The following CREB1 variants were observed in gnomAD, a reference collection of about 807,000 sequenced individuals.
The protein encoded by CREB1 is cyclic AMP-responsive element-binding protein 1.
A neutral mutation model predicts 42.0 loss-of-function variants in CREB1; 2 were observed. That is an observed-to-expected ratio of 0.05 (90% CI 0.02 to 0.15). CREB1 has a LOEUF of 0.15. CREB1 is among the 10% of genes least tolerant of loss of function. The pLI is 1.00. For synonymous variants in CREB1, 123 were observed against 139.9 expected (o/e 0.88, Z 0.85); for missense variants, 199 against 388.9 (o/e 0.51, Z 4.11).
In CREB1 at chr2:207,600,422, T is replaced by A. The variant is rs910268098; in HGVS notation, c.*3364T>A. On this transcript the variant is annotated 3_prime_UTR_variant, in exon 8 of 8. Transcript: ENST00000353267. ...ATTACTCCAGCACTCATGATTGATT[T>A]TATCTTCTAATTTTCTTCCAAGTAT... 1.0e-5 allele frequency: 2 copies of A among 194,108 alleles called. No homozygotes were observed. The highest frequency in any genetic ancestry group is 4.6e-5 in the African/African-American group (2 of 43,224). The allele number at this position is 194,108 out of a possible 1,614,324, so 12.0% of individuals were successfully genotyped here. A position where few individuals can be genotyped will look rare whatever the true frequency, so the allele number is the denominator to read the frequency against.
At chr2:207,596,021 G>A (rs2086092870) in intron 7 of CREB1, among the ~76,000 whole-genome samples, 1 of 152,168 alleles carries the variant, frequency 6.6e-6, no homozygotes, top group Non-Finnish European at 1.5e-5. Context: ...TGTTACCTCT[G>A]CTTTTGGTGT....
At chr2:207,552,196 G>A (rs974161933) in intron 1 of CREB1, among the ~76,000 whole-genome samples, 3 of 152,116 alleles carry the variant, frequency 2.0e-5, no homozygotes, top group Admixed American at 6.6e-5. Context: ...GAGTTGTGGA[G>A]GGAAGAGGAT....
chr2:207,582,458 T>C (rs537399889), intron 7 of CREB1, among the ~76,000 whole-genome samples: 1 of 152,356 alleles, frequency 6.6e-6, no homozygotes, highest in South Asian at 2.1e-4. Context: ...ACACATACTT[T>C]GGGAGTTATA....
At chr2:207,549,035 G>A (rs189395103) in intron 1 of CREB1, among the ~76,000 whole-genome samples, 1 of 152,276 alleles carries the variant, frequency 6.6e-6, no homozygotes, top group East Asian at 1.9e-4. Flanking sequence ...AAAGACCTTG[G>A]TAGGAGCACA....
intron 1 of CREB1, among the ~76,000 whole-genome samples, chr2:207,531,272 C>G (rs2106317008): frequency 6.6e-6 from 1 of 152,314 alleles, no homozygotes; most frequent in Non-Finnish European, 1.5e-5. Context: ...CTCCGTCCCA[C>G]TCCCCCTACC....
At chr2:207,537,714 A>G (rs956372425) in intron 1 of CREB1, among the ~76,000 whole-genome samples, 2 of 152,218 alleles carry the variant, frequency 1.3e-5, no homozygotes, top group African/African-American at 4.8e-5. Context: ...ATTCACATTC[A>G]GAATGTCTGA....
intron 1 of CREB1, among the ~76,000 whole-genome samples, chr2:207,530,769 A>C (rs1332632267): frequency 6.6e-6 from 1 of 151,754 alleles, no homozygotes; most frequent in African/African-American, 2.4e-5. Flanking sequence ...GAAGAGCTGC[A>C]ACGTCTGACC....
chr2:207,604,618 A>C lies in CREB1; in HGVS notation c.*7560A>C, dbSNP rs571472743. 6.6e-6 allele frequency among the ~76,000 whole-genome samples: 1 copy of C among 152,292 alleles called. No homozygotes were observed. The highest frequency in any genetic ancestry group is 1.5e-5 in the Non-Finnish European group (1 of 68,014). On this transcript the variant is annotated 3_prime_UTR_variant, in exon 8 of 8. Coordinates refer to ENST00000353267, the MANE Select transcript of CREB1 (RefSeq NM_004379.5). The stretch of plus-strand genomic sequence containing the variant: ...TTTTAATTAAGATGCAATTCACATA[A>C]ATTAACTTTTTAAGTGAACAATTAA...
At chr2:207,532,544 G>A (rs948484190) in intron 1 of CREB1, among the ~76,000 whole-genome samples, 1 of 151,100 alleles carries the variant, frequency 6.6e-6, no homozygotes, top group African/African-American at 2.4e-5. Flanking sequence ...GTCGTGGCGC[G>A]TGCTTGTAAT....
At chr2:207,592,643 A>G (rs1052491887) in intron 7 of CREB1, among the ~76,000 whole-genome samples, 1 of 151,962 alleles carries the variant, frequency 6.6e-6, no homozygotes, top group Non-Finnish European at 1.5e-5. Context: ...ATTCTTGGCC[A>G]GGTGCAGTGG....
At chr2:207,575,497 AT>A (rs1466225799) in intron 6 of CREB1, 43 bp downstream of exon 6, 1 of 1,495,350 alleles carries the variant, frequency 6.7e-7, no homozygotes, top group Non-Finnish European at 9.1e-7. Flanking sequence ...ATTCTTCAAA[AT>A]ACTAAAATTT....
chr2:207,566,599 G>A (rs1369424677), intron 3 of CREB1, among the ~76,000 whole-genome samples: 1 of 152,148 alleles, frequency 6.6e-6, no homozygotes, highest in Admixed American at 6.5e-5. Context: ...TTTGATGCTG[G>A]TAAGGATGTC....
chr2:207,600,566 G>C lies in CREB1; in HGVS notation c.*3508G>C. 4.7e-6 allele frequency: 1 copy of C among 211,774 alleles called. No individual in the cohort carries two copies. The highest frequency in any genetic ancestry group is 5.9e-5 in the Admixed American group (1 of 17,056). The allele number at this position is 211,774 out of a possible 1,614,324, so 13.1% of individuals were successfully genotyped here. A position where few individuals can be genotyped will look rare whatever the true frequency, so the allele number is the denominator to read the frequency against. On this transcript the variant is annotated 3_prime_UTR_variant, in exon 8 of 8. Transcript: ENST00000353267. ...TTTGTCTGTGGCAGCTATAACAGTGGTAAGAACATTTTGAAGATAGCTTTT... is the reference window on the plus strand; with the variant it reads ...TTTGTCTGTGGCAGCTATAACAGTGCTAAGAACATTTTGAAGATAGCTTTT...
intron 7 of CREB1, among the ~76,000 whole-genome samples, chr2:207,581,164 ATTTAGGAAAGTAAAAGAT>A (rs2082913063): frequency 6.6e-6 from 1 of 152,222 alleles, no homozygotes; most frequent in South Asian, 2.1e-4. Flanking sequence ...TAAACCCCCT[ATTTAGGAAAGTAAAAGAT>A]AAAGTAGCAA....
In CREB1 at chr2:207,569,802, G is replaced by A. The variant is rs1342092753; in HGVS notation, c.363-377G>A. ...CTCACACCTGTAATCCCAGCACTTC[G>A]GGAGGCCAAGGCGGGTGGATCACAT... On this transcript the variant is annotated intron_variant, in intron 4 of 7. Transcript: ENST00000353267. 5.9e-5 allele frequency among the ~76,000 whole-genome samples: 9 copies of A among 151,862 alleles called. No individual in the cohort carries two copies. The South Asian group carries it at 1.2e-3, about 21-fold the overall frequency.
intron 1 of CREB1, among the ~76,000 whole-genome samples, chr2:207,539,400 ATTG>A (rs765197274): frequency 4.0e-5 from 6 of 151,844 alleles, no homozygotes; most frequent in Non-Finnish European, 7.4e-5. Context: ...TAGTAGCTCT[ATTG>A]TTTGCTGTGA....
intron 7 of CREB1, among the ~76,000 whole-genome samples, chr2:207,596,710 G>A (rs573294754): frequency 6.6e-6 from 1 of 152,334 alleles, no homozygotes; most frequent in East Asian, 1.9e-4. Context: ...TGGGATTACA[G>A]GCGTGAGCCG....
chr2:207,534,442 G>A (rs1189305635), intron 1 of CREB1, among the ~76,000 whole-genome samples: 1 of 152,058 alleles, frequency 6.6e-6, no homozygotes, highest in Non-Finnish European at 1.5e-5. Context: ...TCACCATGTT[G>A]GTCAGGCTGG....
chr2:207,565,782 C>A lies in CREB1; in HGVS notation c.262-1681C>A, dbSNP rs539855757. ...TGAGTGGCGTATTAATGAAGGGAAA[C>A]AACACTTGTCACAGTACTATCAACT... is the stretch of plus-strand genomic sequence containing the variant. On this transcript the variant is annotated intron_variant, in intron 3 of 7. Transcript: ENST00000353267. Among the ~76,000 whole-genome samples, 5 of 152,224 alleles carry A rather than the reference C, an allele frequency of 3.3e-5. No homozygotes were observed. In the South Asian group the frequency reaches 1.0e-3, roughly 32 times the overall value.
Sources: gnomAD v4.1 joint callset for allele counts (sites outside exome capture counted in the v4.1 genomes callset) on GRCh38, gnomAD v4.1.1 for gene constraint, MANE v1.5 for transcripts, NCBI Gene and HGNC (gene_info 2026-07-23, HGNC 2026-07-21) for gene names.